Variants in ABI1 observed in about 807,000 individuals in gnomAD.
The protein encoded by ABI1 is Abelson interactor 1.
A neutral mutation model predicts 54.6 loss-of-function variants in ABI1; 14 were observed. That is an observed-to-expected ratio of 0.26 (90% CI 0.17 to 0.40). The LOEUF is 0.40. Ranked by LOEUF, ABI1 falls within the 10% of genes least tolerant of loss-of-function variation. The pLI, the probability that ABI1 is intolerant of heterozygous loss-of-function variation, is 1.00. For synonymous variants in ABI1, 194 were observed against 209.3 expected, an observed-to-expected ratio of 0.93 and a Z score of 0.63; for missense variants, 443 against 598.3, an observed-to-expected ratio of 0.74 and a Z score of 2.71.
At chr10:26,795,777 C>T (rs974468387) in intron 2 of ABI1, among the ~76,000 whole-genome samples, 1 of 152,036 alleles carries the variant, frequency 6.6e-6, no homozygotes, top group African/African-American at 2.4e-5. Context: ...ATCCCATGTT[C>T]ATAGATAGGA....
Position 26,770,230 on chromosome 10 carries a change from T to C in ABI1, c.578+15A>G. 1 of 1,603,634 alleles carries C rather than the reference T, an allele frequency of 6.2e-7. No individual in the cohort carries two copies. Among genetic ancestry groups the C allele is most frequent in the Non-Finnish European group, 8.5e-7 (1 of 1,170,516 alleles). ...AGCATATGAATTCTTTTGCAAAATG[T>C]AGTTGAATTCTTACCCCAGTGTTCC... On this transcript the variant is annotated intron_variant, in intron 5 of 10. Coordinates refer to ENST00000376140, the MANE Select transcript of ABI1 (RefSeq NM_001012750.3).
intron 2 of ABI1, among the ~76,000 whole-genome samples, chr10:26,803,726 G>A (rs1383477404): frequency 2.0e-5 from 3 of 152,022 alleles, no homozygotes; most frequent in African/African-American, 2.4e-5. Context: ...AATTGACATC[G>A]TGCCCTATTT....
intron 2 of ABI1, among the ~76,000 whole-genome samples, chr10:26,801,165 T>C (rs1564517172): frequency 6.6e-6 from 1 of 152,230 alleles, no homozygotes; most frequent in South Asian, 2.1e-4. Context: ...AATTTGTTGA[T>C]TAGATGGTAG....
chr10:26,822,575 T>C (rs1183660967), intron 2 of ABI1, among the ~76,000 whole-genome samples: 1 of 151,820 alleles, frequency 6.6e-6, no homozygotes, highest in East Asian at 1.9e-4. Context: ...TCAAAATAAT[T>C]ATCCATAGTA....
Position 26,804,381 on chromosome 10 carries a change from T to TAA in ABI1, c.285+18755_285+18756dup, listed in dbSNP as rs543934752. On this transcript the variant is annotated intron_variant, in intron 2 of 10. Coordinates refer to ENST00000376140, the MANE Select transcript of ABI1 (RefSeq NM_001012750.3). The stretch of plus-strand genomic sequence containing the variant: ...CTGGGTGACAGAGCAAGGCTCTATT[T>TAA]AAAAAAAAAAAAAAAAATCACAATG... 1.2e-4 allele frequency among the ~76,000 whole-genome samples: 16 copies of TAA among 138,602 alleles called. No homozygotes were observed. In the South Asian group the frequency reaches 2.1e-3, roughly 18 times the overall value. 90.9% of individuals were successfully genotyped at this position (138,602 alleles called of 152,430 possible).
rs2051182855 is a variant in ABI1, at chr10:26,860,178, T to C, written c.117+569A>G. ...GACAAATTTTTTTTAAATAAATAAA[T>C]AAATAAAAGACACACCCTCTGGGGG... On this transcript the variant is annotated intron_variant, in intron 1 of 10. Coordinates refer to ENST00000376140, the MANE Select transcript of ABI1 (RefSeq NM_001012750.3). The surrounding 1 kb of genome is among the most constrained non-coding windows in gnomAD (Gnocchi z 4.1). 1.3e-5 allele frequency among the ~76,000 whole-genome samples: 2 copies of C among 151,882 alleles called. No homozygotes were observed. The highest frequency in any genetic ancestry group is 2.9e-5 in the Non-Finnish European group (2 of 67,978).
intron 2 of ABI1, among the ~76,000 whole-genome samples, chr10:26,785,879 T>C (rs1176667983): frequency 1.3e-5 from 2 of 152,104 alleles, no homozygotes. Flanking sequence ...CCACATGCCA[T>C]CACTCGGCCC....
chr10:26,829,454 G>A (rs2133888486), intron 1 of ABI1, among the ~76,000 whole-genome samples: 1 of 152,226 alleles, frequency 6.6e-6, no homozygotes, highest in Non-Finnish European at 1.5e-5. Flanking sequence ...GAAAATTGCT[G>A]AGAGTAAATT....
chr10:26,840,969 A>G (rs939965367), intron 1 of ABI1, among the ~76,000 whole-genome samples: 48 of 152,212 alleles, frequency 3.2e-4, no homozygotes, highest in African/African-American at 1.2e-3. Context: ...GCTGTATAAC[A>G]AAGATCAAGA....
intron 6 of ABI1, among the ~76,000 whole-genome samples, chr10:26,767,377 T>TTA (rs1332985935): frequency 6.6e-6 from 1 of 152,198 alleles, no homozygotes; most frequent in Non-Finnish European, 1.5e-5. Context: ...TTTTGATAAG[T>TTA]TATCTCTCAT....
intron 2 of ABI1, among the ~76,000 whole-genome samples, chr10:26,802,140 G>A (rs950689344): frequency 6.6e-6 from 1 of 152,162 alleles, no homozygotes; most frequent in African/African-American, 2.4e-5. Context: ...ACTAACATGG[G>A]AGAGAACATT....
chr10:26,836,760 C>T (rs2049108985), intron 1 of ABI1, among the ~76,000 whole-genome samples: 1 of 152,202 alleles, frequency 6.6e-6, no homozygotes, highest in South Asian at 2.1e-4. Flanking sequence ...TTAACCCTAA[C>T]TCTAACCCTA....
intron 1 of ABI1, among the ~76,000 whole-genome samples, chr10:26,838,030 T>A (rs1211528734): frequency 1.6e-5 from 2 of 122,902 alleles, no homozygotes; most frequent in East Asian, 5.2e-4. Context: ...TCTTATTACT[T>A]TTTTTTTTTT....
intron 1 of ABI1, among the ~76,000 whole-genome samples, chr10:26,848,961 T>A (rs965230638): frequency 6.6e-6 from 1 of 152,108 alleles, no homozygotes; most frequent in Admixed American, 6.6e-5. Flanking sequence ...GCAACTACAT[T>A]AGTCAGGGAT....
rs572629288 is a variant in ABI1 at position 26,850,614 on chromosome 10, C to T, written c.117+10133G>A. Among the ~76,000 whole-genome samples the T allele has an allele frequency of 1.5e-3, 231 of 149,068 alleles. 3 individuals are homozygous for T. The highest frequency in any genetic ancestry group is 1.6e-3 in the Admixed American group (24 of 14,806). ...CAGAGGTTGCAGTGAGCCAAGACCG[C>T]GCTATTGCACTCCAGCCTGGGCAAC... On this transcript the variant is annotated intron_variant, in intron 1 of 10. Transcript: ENST00000376140.
At chr10:26,832,210 A>G (rs2048720824) in intron 1 of ABI1, among the ~76,000 whole-genome samples, 1 of 152,172 alleles carries the variant, frequency 6.6e-6, no homozygotes, top group African/African-American at 2.4e-5. Flanking sequence ...AGAGATACTA[A>G]GTAGGGGAGG....
In ABI1 at chr10:26,746,822, G is replaced by C. The variant is rs1836973294; in HGVS notation, c.*1748C>G. On this transcript the variant is annotated 3_prime_UTR_variant, in exon 11 of 11. Coordinates refer to ENST00000376140, the MANE Select transcript of ABI1 (RefSeq NM_001012750.3). ...AATGGTTTGTCTTGATTTACCGTAG[G>C]AGTAAAGGTCAGAAAAATGTGAAGT... is the stretch of plus-strand genomic sequence containing the variant. 1 of 380,206 alleles carries C rather than the reference G, an allele frequency of 2.6e-6. No homozygotes were observed. Among genetic ancestry groups the C allele is most frequent in the Admixed American group, 4.2e-5 (1 of 23,754 alleles). 23.6% of individuals were successfully genotyped at this position (380,206 alleles called of 1,614,324 possible).
chr10:26,760,563 T>C (rs768259243), intron 7 of ABI1, among the ~76,000 whole-genome samples: 3 of 152,222 alleles, frequency 2.0e-5, no homozygotes, highest in Non-Finnish European at 4.4e-5. Context: ...TAAGTAATTT[T>C]GGACAGCTAG....
rs1837638603 is a variant in ABI1, at chr10:26,751,587, C to CT, written c.1270+10dup. ...ATTTTCCTTCACATCAACTCAATGA[C>CT]TGTACCTTACCTTTCTCAATATAAT... On this transcript the variant is annotated intron_variant, in intron 10 of 10. Transcript: ENST00000376140. 2 of 1,606,716 alleles carry CT rather than the reference C, an allele frequency of 1.2e-6. No individual in the cohort carries two copies. Among genetic ancestry groups the CT allele is most frequent in the Non-Finnish European group, 1.7e-6 (2 of 1,177,240 alleles).
Sources: gnomAD v4.1 joint callset for allele counts (sites outside exome capture counted in the v4.1 genomes callset) on GRCh38, gnomAD v4.1.1 for gene constraint, Gnocchi (gnomAD v3.1) non-coding constraint, MANE v1.5 for transcripts, NCBI Gene and HGNC (gene_info 2026-07-23, HGNC 2026-07-21) for gene names.